The following SP4 variants were observed in gnomAD, a reference collection of about 807,000 sequenced individuals.
The protein encoded by SP4 is transcription factor Sp4.
In SP4, 19 loss-of-function variants were observed where a neutral mutation model predicts 72.8. That is an observed-to-expected ratio of 0.26 (90% CI 0.18 to 0.38). The LOEUF (loss-of-function observed/expected upper bound fraction) is 0.38, where lower values mean the gene tolerates loss of function less well. SP4 is among the 10% of genes least tolerant of loss of function. The pLI, the probability that SP4 is intolerant of heterozygous loss-of-function variation, is 1.00. For missense variants in SP4, 1,008 were observed against 926.3 expected (o/e 1.09, Z -1.14); for synonymous variants, 395 against 333.1 (o/e 1.19, Z -2.02).
At position 21,477,058 on chromosome 7, in the gene SP4, CT is replaced by C; in HGVS notation, c.1679-13del. 3.2e-6 allele frequency: 5 copies of C among 1,570,564 alleles called. No individual in the cohort carries two copies. The highest frequency in any genetic ancestry group is 4.4e-6 in the Non-Finnish European group (5 of 1,142,436). ...AGGTGTAGAAAACATTACAATACTT[CT>C]TTTTTTTCTTCCTTTTTAGGTCAGC... On this transcript the variant is annotated intron_variant, in intron 3 of 5. Coordinates refer to ENST00000222584, the MANE Select transcript of SP4 (RefSeq NM_003112.5).
intron 3 of SP4, among the ~76,000 whole-genome samples, chr7:21,439,960 A>G (rs1783189019): frequency 6.6e-6 from 1 of 152,242 alleles, no homozygotes; most frequent in Non-Finnish European, 1.5e-5. Flanking sequence ...TCGAATAGAA[A>G]AAGTGATAAT....
intron 5 of SP4, among the ~76,000 whole-genome samples, chr7:21,494,195 G>GGAAGGTCCTT (rs1785050665): frequency 6.6e-6 from 1 of 152,132 alleles, no homozygotes; most frequent in Non-Finnish European, 1.5e-5. Context: ...AATGATGAAG[G>GGAAGGTCCTT]ACCTTTTGCT....
Position 21,428,188 on chromosome 7 carries a change from G to GCCCCCCCCCCCCCCCCCCCC in SP4, c.-59_-58insCCCCCCCCCCCCCCCCCCCC. 1 of 371,886 alleles carries GCCCCCCCCCCCCCCCCCCCC rather than the reference G, an allele frequency of 2.7e-6. No homozygotes were observed. The allele number at this position is 371,886 out of a possible 1,614,324, so 23.0% of individuals were successfully genotyped here. A position where few individuals can be genotyped will look rare whatever the true frequency, so the allele number is the denominator to read the frequency against. On this transcript the variant is annotated 5_prime_UTR_variant, in exon 1 of 6. Coordinates refer to ENST00000222584, the MANE Select transcript of SP4 (RefSeq NM_003112.5). ...CGGGACCGGCCTCTCCTCCCGCCTC[G>GCCCCCCCCCCCCCCCCCCCC]CCCCCACCCCCACCCACCTCTATCC... is the stretch of plus-strand genomic sequence containing the variant.
chr7:21,490,423 C>G (rs1017407774), intron 5 of SP4, among the ~76,000 whole-genome samples: 1 of 152,176 alleles, frequency 6.6e-6, no homozygotes, highest in Non-Finnish European at 1.5e-5. Context: ...ATACCCATAT[C>G]TCTGGCTAGG....
chr7:21,428,915 G>A, intron 2 of SP4, 123 bp downstream of exon 2: 1 of 786,712 alleles, frequency 1.3e-6, no homozygotes, highest in South Asian at 1.9e-5. Flanking sequence ...CTTTCTGAGA[G>A]TGTGGAACTT....
At chr7:21,498,260 A>G (rs1475739234) in intron 5 of SP4, among the ~76,000 whole-genome samples, 1 of 152,180 alleles carries the variant, frequency 6.6e-6, no homozygotes, top group Non-Finnish European at 1.5e-5. Context: ...TAATCTAGAG[A>G]TGATTTAAAG....
chr7:21,502,438 C>T (rs1274630291), intron 5 of SP4, among the ~76,000 whole-genome samples: 1 of 151,988 alleles, frequency 6.6e-6, no homozygotes, highest in Non-Finnish European at 1.5e-5. Context: ...CTCCACAATG[C>T]GGGAAAGAGC....
chr7:21,440,616 G>A (rs903772614), intron 3 of SP4, among the ~76,000 whole-genome samples: 1 of 152,106 alleles, frequency 6.6e-6, no homozygotes, highest in Non-Finnish European at 1.5e-5. Flanking sequence ...TTGGGAGGCC[G>A]AGGCAGGCAG....
rs570255657 is a variant in SP4 at position 21,454,402 on chromosome 7, ACT to A, written c.1679-22671_1679-22670del. 3.2e-3 allele frequency among the ~76,000 whole-genome samples: 485 copies of A among 149,610 alleles called. 4 individuals carry two copies. The highest frequency in any genetic ancestry group is 0.01 in the African/African-American group (416 of 40,564). ...CACAGACCATCTACAACATACTTGG[ACT>A]CTCTCACTTGGCTTGAACATCCCTC... On this transcript the variant is annotated intron_variant, in intron 3 of 5. Coordinates refer to ENST00000222584, the MANE Select transcript of SP4 (RefSeq NM_003112.5).
At chr7:21,429,258 C>G (rs761377306) in intron 2 of SP4, 31 bp from the exon 3 acceptor site, 5 of 1,304,306 alleles carry the variant, frequency 3.8e-6, no homozygotes, top group African/African-American at 3.0e-5. Context: ...TTTTCCCCCC[C>G]CCCTCTCCTT....
chr7:21,474,899 A>G (rs1019546552), intron 3 of SP4, among the ~76,000 whole-genome samples: 2 of 152,206 alleles, frequency 1.3e-5, no homozygotes, highest in African/African-American at 4.8e-5. Context: ...CATGTTAGTT[A>G]TGGGTGCTAC....
At chr7:21,486,447 C>T (rs1784813734) in intron 5 of SP4, among the ~76,000 whole-genome samples, 1 of 152,052 alleles carries the variant, frequency 6.6e-6, no homozygotes, top group South Asian at 2.1e-4. Flanking sequence ...ATTTGTTTGT[C>T]ATGTTTCCTT....
At chr7:21,506,478 C>T (rs1259260461) in intron 5 of SP4, among the ~76,000 whole-genome samples, 2 of 152,132 alleles carry the variant, frequency 1.3e-5, no homozygotes, top group Non-Finnish European at 1.5e-5. Context: ...GGACCTTTTC[C>T]CTGCATTTCC....
At chr7:21,492,273 C>A (rs12668354) in intron 5 of SP4, among the ~76,000 whole-genome samples, 116,584 of 152,158 alleles carry the variant, frequency 0.77, 45,255 homozygotes, top group East Asian at 0.9. Flanking sequence ...GGAGATACTC[C>A]CCTAAATGTC....
At chr7:21,462,031 T>TG (rs1784008210) in intron 3 of SP4, among the ~76,000 whole-genome samples, 1 of 149,242 alleles carries the variant, frequency 6.7e-6, no homozygotes, top group Admixed American at 6.6e-5. Context: ...GTTTTAGTTT[T>TG]TTTTTTTTTT....
At chr7:21,465,483 C>T (rs906250853) in intron 3 of SP4, among the ~76,000 whole-genome samples, 4 of 152,192 alleles carry the variant, frequency 2.6e-5, no homozygotes, top group Non-Finnish European at 5.9e-5. Context: ...CTCCCCAAAT[C>T]TTAGAAGACA....
Position 21,429,482 on chromosome 7 carries a change from C to A in SP4, c.317C>A (p.Ala106Asp). ...QLAGNAWQLV[A>D]STPPASKENN... ...GCTGGAAACGCTTGGCAACTTGTTG[C>A]CTCCACTCCTCCTGCTTCAAAAGAG... Residue 106 changes from alanine to aspartate, a missense_variant, in exon 3 of 6, where the codon GCC becomes GAC. Transcript: ENST00000222584. The A allele has an allele frequency of 6.2e-7, 1 of 1,614,196 alleles. No individual in the cohort carries two copies.
chr7:21,499,159 T>G (rs1221991666), intron 5 of SP4, among the ~76,000 whole-genome samples: 1 of 151,340 alleles, frequency 6.6e-6, no homozygotes, highest in Non-Finnish European at 1.5e-5. Context: ...TGGAAGTGGG[T>G]TTTCATAAAG....
chr7:21,489,800 C>T (rs1234303701), intron 5 of SP4, among the ~76,000 whole-genome samples: 1 of 151,976 alleles, frequency 6.6e-6, no homozygotes, highest in African/African-American at 2.4e-5. Flanking sequence ...ACCTTGGATC[C>T]ACCCGCCTCG....
Sources: gnomAD v4.1 joint callset for allele counts (sites outside exome capture counted in the v4.1 genomes callset) on GRCh38, gnomAD v4.1.1 for gene constraint, MANE v1.5 for transcripts, NCBI Gene and HGNC (gene_info 2026-07-23, HGNC 2026-07-21) for gene names.